Variants in GRM8 observed in about 807,000 individuals in gnomAD.
GRM8 encodes glutamate metabotropic receptor 8.
A neutral mutation model predicts 87.2 loss-of-function variants in GRM8; 47 were observed. The ratio of observed to expected loss-of-function variants is 0.54; its 90% CI spans 0.43 to 0.69. The LOEUF (loss-of-function observed/expected upper bound fraction) is 0.69. Among genes scored for constraint, GRM8 ranks in the 30% least tolerant of loss-of-function variants. The pLI, the probability that GRM8 is intolerant of heterozygous loss-of-function variation, is 0.00. For missense variants in GRM8, 1,019 were observed against 1,139.2 expected (o/e 0.89, Z 1.52); for synonymous variants, 396 against 404.5 (o/e 0.98, Z 0.25).
chr7:126,561,976 A>T (rs1314706639), intron 8 of GRM8, among the ~76,000 whole-genome samples: 1 of 152,068 alleles, frequency 6.6e-6, no homozygotes, highest in Admixed American at 6.6e-5. Flanking sequence ...TTTAAAAATT[A>T]TATTTATTCA....
At chr7:127,095,215 A>T (rs934744412) in intron 3 of GRM8, among the ~76,000 whole-genome samples, 2 of 152,198 alleles carry the variant, frequency 1.3e-5, no homozygotes, top group African/African-American at 4.8e-5. Context: ...TTGCAGTGAC[A>T]GAGAGGGGCT....
intron 6 of GRM8, among the ~76,000 whole-genome samples, chr7:126,784,124 C>G (rs560750023): frequency 1.3e-5 from 2 of 152,156 alleles, no homozygotes; most frequent in South Asian, 4.2e-4. Context: ...TGCATCAGGA[C>G]CTGGAAAACA....
intron 3 of GRM8, among the ~76,000 whole-genome samples, chr7:126,972,665 C>G (rs1810548949): frequency 6.6e-6 from 1 of 152,154 alleles, no homozygotes; most frequent in Admixed American, 6.5e-5. Flanking sequence ...ATCCTTTCCT[C>G]TTAGGAACAA....
At chr7:126,990,258 C>A (rs1361480153) in intron 3 of GRM8, among the ~76,000 whole-genome samples, 1 of 151,782 alleles carries the variant, frequency 6.6e-6, no homozygotes. Flanking sequence ...AAGCATTGCC[C>A]TGGACACAGT....
rs545280640 is a variant in GRM8, at chr7:126,615,460, C to T, written c.1358-5962G>A. On this transcript the variant is annotated intron_variant, in intron 7 of 10. Transcript: ENST00000339582. ...GACCATCAAGGCTAGGAAGAAACAG[C>T]ATCAACTATTAAGCAAAATAACCAG... Among the ~76,000 whole-genome samples, 8 of 152,268 alleles carry T rather than the reference C, an allele frequency of 5.3e-5. No homozygotes were observed. In the South Asian group the frequency reaches 1.7e-3, roughly 32 times the overall value.
At chr7:126,544,405 C>T (rs1018772758) in intron 8 of GRM8, among the ~76,000 whole-genome samples, 1 of 152,050 alleles carries the variant, frequency 6.6e-6, no homozygotes, top group Non-Finnish European at 1.5e-5. Context: ...TTATGTCATC[C>T]GCAGCTTCAG....
In GRM8 at chr7:127,243,022, C is replaced by T. The variant is rs1446431379; in HGVS notation, c.183G>A (p.Gly61=). ...CCTTCTTCAGCTCCCCACAAGGCAC[C>T]CCTCTCTCTCCCTTTGCGTGGACAG... ...LFPVHAKGER[G]VPCGELKKEK... The change falls in exon 2 of 11, where the codon GGG becomes GGA. Residue 61 remains glycine, a synonymous_variant. Coordinates refer to ENST00000339582, the MANE Select transcript of GRM8 (RefSeq NM_000845.3). 6.2e-7 allele frequency: 1 copy of T among 1,613,866 alleles called. No individual in the cohort carries two copies. Among genetic ancestry groups the T allele is most frequent in the Admixed American group, 1.7e-5 (1 of 59,988 alleles).
intron 3 of GRM8, among the ~76,000 whole-genome samples, chr7:127,087,927 G>A (rs1239981408): frequency 1.3e-5 from 2 of 152,156 alleles, no homozygotes; most frequent in African/African-American, 4.8e-5. Flanking sequence ...CCTGCTTCAC[G>A]ATTCACAGTA....
At chr7:126,573,978 C>T (rs537683642) in intron 8 of GRM8, among the ~76,000 whole-genome samples, 25 of 152,306 alleles carry the variant, frequency 1.6e-4, no homozygotes, top group African/African-American at 5.8e-4. Flanking sequence ...AACAAAAATA[C>T]TGCAAACAAT....
At position 126,984,242 on chromosome 7, in the gene GRM8, G is replaced by A. The variant is rs1451587276; in HGVS notation, c.728-79559C>T. Among the ~76,000 whole-genome samples the A allele has an allele frequency of 2.0e-5, 3 of 151,868 alleles. No homozygotes were observed. In the East Asian group the frequency reaches 5.8e-4, roughly 29 times the overall value. Reference sequence around the variant, plus strand: ...TGAAGATTACATATGATCTCAGGATGTGTATGGGTTCAAGTTGGCAAGGGT... The same window carrying A: ...TGAAGATTACATATGATCTCAGGATATGTATGGGTTCAAGTTGGCAAGGGT... On this transcript the variant is annotated intron_variant, in intron 3 of 10. Coordinates refer to ENST00000339582, the MANE Select transcript of GRM8 (RefSeq NM_000845.3).
At chr7:126,474,082 A>G (rs558243611) in intron 9 of GRM8, among the ~76,000 whole-genome samples, 1 of 152,236 alleles carries the variant, frequency 6.6e-6, no homozygotes, top group African/African-American at 2.4e-5. Flanking sequence ...TCTCTCAGCA[A>G]TATCTCATAC....
chr7:126,455,588 C>T (rs1803140513), intron 9 of GRM8, among the ~76,000 whole-genome samples: 1 of 151,744 alleles, frequency 6.6e-6, no homozygotes, highest in Non-Finnish European at 1.5e-5. Context: ...ATAATTACAT[C>T]TTCTTAAACT....
chr7:127,141,602 T>G (rs1828258004), intron 2 of GRM8, among the ~76,000 whole-genome samples: 1 of 152,158 alleles, frequency 6.6e-6, no homozygotes, highest in Non-Finnish European at 1.5e-5. Flanking sequence ...TTGCATCAAT[T>G]TCTCTACCTC....
At chr7:127,233,402 G>T (rs577516081) in intron 2 of GRM8, among the ~76,000 whole-genome samples, 1 of 152,078 alleles carries the variant, frequency 6.6e-6, no homozygotes, top group Admixed American at 6.5e-5. Flanking sequence ...ATTTACATCA[G>T]TATGACATGG....
At position 127,188,604 on chromosome 7, in the gene GRM8, A is replaced by G. The variant is rs17865089; in HGVS notation, c.510+54091T>C. ...TACATAAGATTGTTACTTTGTACAT[A>G]TACTACATTTGACATAATTTTTTTT... On this transcript the variant is annotated intron_variant, in intron 2 of 10. Transcript: ENST00000339582. Among the ~76,000 whole-genome samples the G allele has an allele frequency of 6.4e-4, 98 of 152,322 alleles. 1 individual carries two copies. Among genetic ancestry groups the G allele is most frequent in the African/African-American group, 2.3e-3 (96 of 41,582 alleles).
intron 8 of GRM8, among the ~76,000 whole-genome samples, chr7:126,537,907 A>G (rs1816026874): frequency 6.6e-6 from 1 of 152,188 alleles, no homozygotes; most frequent in African/African-American, 2.4e-5. Flanking sequence ...AAATTATACC[A>G]TCTTTCATTA....
chr7:127,041,623 T>C (rs1189895015), intron 3 of GRM8, among the ~76,000 whole-genome samples: 1 of 152,242 alleles, frequency 6.6e-6, no homozygotes, highest in African/African-American at 2.4e-5. Flanking sequence ...AAAAGTTCTC[T>C]ACAGGAATAT....
At chr7:126,517,930 T>A (rs527557479) in intron 9 of GRM8, among the ~76,000 whole-genome samples, 2 of 152,228 alleles carry the variant, frequency 1.3e-5, no homozygotes, top group South Asian at 2.1e-4. Context: ...TTAAGAAAAT[T>A]ACAGCTTTTC....
chr7:126,623,901 C>T (rs1028747996), intron 7 of GRM8, among the ~76,000 whole-genome samples: 1 of 152,182 alleles, frequency 6.6e-6, no homozygotes, highest in African/African-American at 2.4e-5. Flanking sequence ...TGTGATAGCA[C>T]CACTGCACTC....
Sources: allele counts gnomAD v4.1 joint callset (sites outside exome capture counted in the v4.1 genomes callset), GRCh38; gene constraint gnomAD v4.1.1; transcripts MANE v1.5; gene names NCBI Gene and HGNC (gene_info 2026-07-23, HGNC 2026-07-21).